Variants in LCMT1 observed in about 807,000 individuals in gnomAD.
LCMT1 encodes the protein leucine carboxyl methyltransferase 1, also known as [Phosphatase 2A protein]-leucine-carboxy methyltransferase 1.
In LCMT1, 32 loss-of-function variants were observed where a neutral mutation model predicts 47.7. The observed-to-expected ratio is 0.67, with a 90% CI of 0.51 to 0.90. The LOEUF is 0.90. Ranked by LOEUF, LCMT1 falls within the 40% of genes least tolerant of loss-of-function variation. The pLI, the probability that LCMT1 is intolerant of heterozygous loss-of-function variation, is 0.00. For synonymous variants in LCMT1, 152 were observed against 149.7 expected (o/e 1.02, Z -0.11); for missense variants, 375 against 415.2 (o/e 0.90, Z 0.84).
At chr16:25,176,098 C>T (rs1961924127) in intron 10 of LCMT1, among the ~76,000 whole-genome samples, 1 of 152,178 alleles carries the variant, frequency 6.6e-6, no homozygotes, top group African/African-American at 2.4e-5. Context: ...TCCCTCTTCT[C>T]ATTAAGGTGC....
intron 3 of LCMT1, among the ~76,000 whole-genome samples, chr16:25,138,512 C>A (rs997418903): frequency 6.6e-6 from 1 of 151,570 alleles, no homozygotes; most frequent in Non-Finnish European, 1.5e-5. Flanking sequence ...GCTGTGTGTG[C>A]GCATGTGCGT....
intron 1 of LCMT1, among the ~76,000 whole-genome samples, chr16:25,117,680 C>G (rs1959840428): frequency 6.6e-6 from 1 of 152,004 alleles, no homozygotes; most frequent in Non-Finnish European, 1.5e-5. Flanking sequence ...TGGTGAAACC[C>G]CATCTCTACT....
At chr16:25,170,256 C>T (rs573115819) in intron 8 of LCMT1, among the ~76,000 whole-genome samples, 36 of 151,940 alleles carry the variant, frequency 2.4e-4, no homozygotes, top group Non-Finnish European at 4.4e-4. Context: ...TTCATTTTTA[C>T]ATATCTTTTG....
chr16:25,116,482 C>T lies in LCMT1; in HGVS notation c.113+4486C>T, dbSNP rs894831054. Among the ~76,000 whole-genome samples, 4 of 152,018 alleles carry T rather than the reference C, an allele frequency of 2.6e-5. No individual in the cohort carries two copies. The South Asian group carries it at 8.3e-4, about 31-fold the overall frequency. ...GGTGGTCTGCGCGATTGTTTATGTC[C>T]AACAGGAGAACAACATGGCCTTCCT... On this transcript the variant is annotated intron_variant, in intron 1 of 10. Coordinates refer to ENST00000399069, the MANE Select transcript of LCMT1 (RefSeq NM_016309.3).
chr16:25,136,078 G>A (rs1406438393), intron 3 of LCMT1, among the ~76,000 whole-genome samples: 1 of 136,510 alleles, frequency 7.3e-6, no homozygotes, highest in African/African-American at 2.7e-5. Flanking sequence ...GTGTCCAAGC[G>A]AGATGCTGTC....
chr16:25,131,949 G>T (rs1960359746), intron 2 of LCMT1, among the ~76,000 whole-genome samples: 1 of 152,162 alleles, frequency 6.6e-6, no homozygotes, highest in Non-Finnish European at 1.5e-5. Context: ...GAGGTGAAGG[G>T]AACAGGATAA....
chr16:25,168,974 C>T lies in LCMT1; in HGVS notation c.691-138C>T. 5 of 643,990 alleles carry T rather than the reference C, an allele frequency of 7.8e-6. No individual in the cohort carries two copies. In the South Asian group the frequency reaches 8.6e-5, roughly 11 times the overall value. The allele number at this position is 643,990 out of a possible 1,614,324, so 39.9% of individuals were successfully genotyped here. On this transcript the variant is annotated intron_variant, in intron 7 of 10. Coordinates refer to ENST00000399069, the MANE Select transcript of LCMT1 (RefSeq NM_016309.3). The stretch of plus-strand genomic sequence containing the variant: ...CCCGCCAGCACCGTGCTGGTGCCCG[C>T]CCCTCAGTCCGTTTCCTATGCTGGG...
chr16:25,156,648 G>A (rs1961264648), intron 5 of LCMT1, among the ~76,000 whole-genome samples: 1 of 152,206 alleles, frequency 6.6e-6, no homozygotes, highest in Admixed American at 6.5e-5. Context: ...CTTCAAGATT[G>A]AGAAAGATCA....
chr16:25,145,298 A>G (rs1960816265), intron 4 of LCMT1: 1 of 152,210 alleles, frequency 6.6e-6, no homozygotes, highest in Non-Finnish European at 1.5e-5. Flanking sequence ...GAATCCTGCC[A>G]TGTTTGGCTG....
chr16:25,170,219 C>CA (rs917897985), intron 8 of LCMT1, among the ~76,000 whole-genome samples: 1 of 150,172 alleles, frequency 6.7e-6, no homozygotes, highest in African/African-American at 2.5e-5. Flanking sequence ...GCCTCCGTCT[C>CA]AAAAAAAAAT....
intron 4 of LCMT1, among the ~76,000 whole-genome samples, chr16:25,151,145 T>G (rs1462831021): frequency 6.6e-6 from 1 of 152,274 alleles, no homozygotes; most frequent in African/African-American, 2.4e-5. Flanking sequence ...TTCTTCTGGC[T>G]ACCTGTTACA....
chr16:25,123,223 C>CTTTTTTTT (rs750991801), intron 1 of LCMT1, among the ~76,000 whole-genome samples: 25 of 116,174 alleles, frequency 2.2e-4, no homozygotes, highest in African/African-American at 6.9e-4. Context: ...TATATAACTT[C>CTTTTTTTT]TTTTTTTTTT....
intron 2 of LCMT1, 103 bp from the exon 3 acceptor site, chr16:25,132,299 G>A: frequency 7.3e-7 from 1 of 1,375,904 alleles, no homozygotes; most frequent in Non-Finnish European, 1.0e-6. Flanking sequence ...CTGCAGAAGG[G>A]CGCATGCTCT....
intron 5 of LCMT1, among the ~76,000 whole-genome samples, chr16:25,152,222 G>C (rs1254894869): frequency 6.6e-6 from 1 of 152,200 alleles, no homozygotes; most frequent in African/African-American, 2.4e-5. Context: ...CAGTCAGGCA[G>C]TTGGGTTGGA....
chr16:25,134,825 TC>T (rs1337412038), intron 3 of LCMT1, among the ~76,000 whole-genome samples: 1 of 152,204 alleles, frequency 6.6e-6, no homozygotes, highest in African/African-American at 2.4e-5. Flanking sequence ...GGTCTTGAAC[TC>T]CTGGCCTCAA....
At chr16:25,158,518 A>G (rs277895) in intron 5 of LCMT1, among the ~76,000 whole-genome samples, 34,739 of 152,208 alleles carry the variant, frequency 0.23, 4,090 homozygotes, top group East Asian at 0.34. Context: ...AATAGAATGT[A>G]GGAAAAGAAG....
At chr16:25,140,900 C>G (rs951013001) in intron 4 of LCMT1, 6 of 152,158 alleles carry the variant, frequency 3.9e-5, no homozygotes, top group African/African-American at 1.4e-4. Context: ...AAGAAGCAAC[C>G]CCATTCCATT....
intron 2 of LCMT1, among the ~76,000 whole-genome samples, chr16:25,129,592 G>A (rs1960291517): frequency 6.6e-6 from 1 of 152,072 alleles, no homozygotes; most frequent in Non-Finnish European, 1.5e-5. Context: ...TTTCACATGT[G>A]TATTCCTACA....
chr16:25,175,461 TA>T (rs1396399011), intron 10 of LCMT1, among the ~76,000 whole-genome samples: 1 of 126,706 alleles, frequency 7.9e-6, no homozygotes, highest in South Asian at 2.5e-4. Context: ...CCGTCTCTAC[TA>T]AAAATACAAA....
Sources: allele counts gnomAD v4.1 joint callset (sites outside exome capture counted in the v4.1 genomes callset), GRCh38; gene constraint gnomAD v4.1.1; transcripts MANE v1.5; gene names NCBI Gene and HGNC (gene_info 2026-07-23, HGNC 2026-07-21).